CLIC2: variants seen among roughly 807,000 people sequenced by gnomAD.
The protein encoded by CLIC2 is CLIC family member 2.
A neutral mutation model predicts 14.8 loss-of-function variants in CLIC2; 9 were observed. The ratio of observed to expected loss-of-function variants is 0.61; its 90% confidence interval spans 0.37 to 1.06. CLIC2 has a LOEUF of 1.06. CLIC2 is among the 50% of genes least tolerant of loss of function. The probability of loss-of-function intolerance (pLI) is 0.01; values close to 1 mark genes in which losing one functional copy is unlikely to be tolerated. For synonymous variants in CLIC2, 61 were observed against 66.3 expected, an observed-to-expected ratio of 0.92 and a Z score of 0.39; for missense variants, 148 against 181.4, an observed-to-expected ratio of 0.82 and a Z score of 1.06.
intron 5 of CLIC2, chrX:155,278,912 T>A (rs1217007692): frequency 2.9e-6 from 1 of 346,931 alleles, no homozygotes; most frequent in East Asian, 5.1e-5. Flanking sequence ...CCAACCTGGG[T>A]GACAGAGCAA....
intron 1 of CLIC2, among the ~76,000 whole-genome samples, chrX:155,333,406 G>A (rs988387133): frequency 2.7e-5 from 3 of 110,852 alleles, no homozygotes; most frequent in Non-Finnish European, 3.8e-5. Flanking sequence ...GATGATGCTA[G>A]TACTATACAA....
At chrX:155,283,595 C>T (rs1300856385) in intron 3 of CLIC2, among the ~76,000 whole-genome samples, 1 of 111,279 alleles carries the variant, frequency 9.0e-6, no homozygotes, top group Non-Finnish European at 1.9e-5. Flanking sequence ...GATGTTCCAT[C>T]CTGTGTCCAA....
intron 3 of CLIC2, among the ~76,000 whole-genome samples, chrX:155,286,699 T>C (rs2074944253): frequency 1.8e-5 from 2 of 112,666 alleles, no homozygotes; most frequent in African/African-American, 6.4e-5. Flanking sequence ...TGAGATGGTA[T>C]ATCATTGTGG....
chrX:155,293,549 C>A (rs782400366), intron 3 of CLIC2: 2 of 443,926 alleles, frequency 4.5e-6, no homozygotes, highest in East Asian at 3.7e-5. Context: ...AAAAAAATAA[C>A]AAAATGACAG....
intron 1 of CLIC2, among the ~76,000 whole-genome samples, chrX:155,323,417 C>A (rs1284443273): frequency 8.9e-6 from 1 of 111,892 alleles, no homozygotes; most frequent in Non-Finnish European, 1.9e-5. Flanking sequence ...GTAAAGAGAA[C>A]CAATGACAAA....
Position 155,292,242 on chromosome X carries a change from G to A in CLIC2, c.293+6543C>T, listed in dbSNP as rs1037891079. 6 of 567,989 alleles carry A rather than the reference G, an allele frequency of 1.1e-5. No individual in the cohort carries two copies. In the East Asian group the frequency reaches 1.6e-4, roughly 15 times the overall value. 46.8% of individuals were successfully genotyped at this position (567,989 alleles called of 1,213,427 possible). ...AGGAAATATCCAGATTTAGAGAGAC[G>A]AGATTTGTCTCACAAGGAGAAACTC... On this transcript the variant is annotated intron_variant, in intron 3 of 5. Transcript: ENST00000369449.
intron 1 of CLIC2, chrX:155,310,514 G>C (rs1032091259): frequency 4.5e-6 from 1 of 222,163 alleles, no homozygotes; most frequent in African/African-American, 3.0e-5. Context: ...CTGTGGCTTT[G>C]CAGGGTACAG....
chrX:155,294,411 G>C (rs1316809844), intron 3 of CLIC2, among the ~76,000 whole-genome samples: 1 of 111,790 alleles, frequency 8.9e-6, no homozygotes, highest in Non-Finnish European at 1.9e-5. Context: ...GCAGCACTAA[G>C]AGGCAAGCTT....
chrX:155,306,055 T>G (rs1327149855), intron 1 of CLIC2, among the ~76,000 whole-genome samples: 8 of 112,110 alleles, frequency 7.1e-5, no homozygotes, highest in African/African-American at 2.6e-4. Context: ...ATTTTTAAAT[T>G]TTTACAAATA....
At chrX:155,302,266 T>C (rs1387033185) in intron 1 of CLIC2, among the ~76,000 whole-genome samples, 4 of 107,711 alleles carry the variant, frequency 3.7e-5, no homozygotes, top group Non-Finnish European at 7.7e-5. Context: ...CTCCTGTTAT[T>C]GGTCTATTCA....
At chrX:155,297,580 C>T (rs1247543621) in intron 3 of CLIC2, among the ~76,000 whole-genome samples, 1 of 105,284 alleles carries the variant, frequency 9.5e-6, no homozygotes, top group African/African-American at 3.4e-5. Flanking sequence ...CAGTGGCTCA[C>T]GCCTGTAATC....
rs782301537 is a variant in CLIC2, at chrX:155,317,583, C to T, written c.57+16788G>A. Among the ~76,000 whole-genome samples, 5 of 111,485 alleles carry T rather than the reference C, an allele frequency of 4.5e-5. No homozygotes were observed. In the South Asian group the frequency reaches 1.9e-3, roughly 42 times the overall value. On this transcript the variant is annotated intron_variant, in intron 1 of 5. Transcript: ENST00000369449. Reference sequence around the variant, plus strand: ...ATAATTTAAAAATTGCCAACAACAACAACAAAAGTCCAGGACCAGACAGAT... The same window carrying T: ...ATAATTTAAAAATTGCCAACAACAATAACAAAAGTCCAGGACCAGACAGAT...
rs1398154601 is a variant in CLIC2 at position 155,312,952 on chromosome X, G to A, written c.58-13807C>T. ...GAAGACATGCATGTGGCCAATGAGC[G>A]TATGAAAAAAAAGTTCAACACCCCT... On this transcript the variant is annotated intron_variant, in intron 1 of 5. Transcript: ENST00000369449. Among the ~76,000 whole-genome samples the A allele has an allele frequency of 1.1e-4, 12 of 110,771 alleles. No homozygotes were observed. The South Asian group carries it at 1.1e-3, about 11-fold the overall frequency.
intron 3 of CLIC2, chrX:155,293,004 T>C (rs2074979969): frequency 2.6e-6 from 2 of 773,116 alleles, no homozygotes; most frequent in Non-Finnish European, 4.0e-6. Context: ...ACTCACCAGA[T>C]GAGCTGTGGT....
chrX:155,302,430 CT>C (rs1557319269), intron 1 of CLIC2, among the ~76,000 whole-genome samples: 1 of 109,902 alleles, frequency 9.1e-6, no homozygotes, highest in Non-Finnish European at 1.9e-5. Context: ...GTGATATCCC[CT>C]TTATCATTTT....
intron 1 of CLIC2, among the ~76,000 whole-genome samples, chrX:155,316,785 C>A (rs1482890468): frequency 1.8e-5 from 2 of 110,868 alleles, no homozygotes; most frequent in South Asian, 3.8e-4. Context: ...AACATGGAGT[C>A]CAATGTTTGA....
intron 1 of CLIC2, among the ~76,000 whole-genome samples, chrX:155,315,138 T>C (rs2075090488): frequency 1.8e-5 from 2 of 112,202 alleles, no homozygotes; most frequent in Admixed American, 9.4e-5. Flanking sequence ...CTAAGACTAA[T>C]TGATGTTCCC....
At chrX:155,329,011 A>G (rs1557322585) in intron 1 of CLIC2, among the ~76,000 whole-genome samples, 2 of 111,247 alleles carry the variant, frequency 1.8e-5, no homozygotes, top group Non-Finnish European at 3.8e-5. Context: ...TACTAAAAGA[A>G]AACATTAGGG....
chrX:155,329,846 C>G (rs782050938), intron 1 of CLIC2, among the ~76,000 whole-genome samples: 3 of 111,160 alleles, frequency 2.7e-5, no homozygotes, highest in Non-Finnish European at 5.7e-5. Flanking sequence ...CAGCAGAGTA[C>G]TATTCAACCA....
Sources: allele counts gnomAD v4.1 joint callset (sites outside exome capture counted in the v4.1 genomes callset), GRCh38; gene constraint gnomAD v4.1.1; transcripts MANE v1.5; gene names NCBI Gene and HGNC (gene_info 2026-07-23, HGNC 2026-07-21).